TOP3B: variants seen among roughly 807,000 people sequenced by gnomAD.
TOP3B encodes the protein DNA topoisomerase III beta.
Under a neutral mutation model 93.9 loss-of-function variants are expected in TOP3B, and 45 were observed. The observed-to-expected ratio is 0.48, with a 90% CI of 0.38 to 0.61. TOP3B has a LOEUF of 0.61. Ranked by LOEUF, TOP3B falls within the 20% of genes least tolerant of loss-of-function variation. The probability of loss-of-function intolerance (pLI) is 0.00; values close to 1 mark genes in which losing one functional copy is unlikely to be tolerated. For synonymous variants in TOP3B, 357 were observed against 472.6 expected (o/e 0.76, Z 3.17); for missense variants, 750 against 1,156.1 (o/e 0.65, Z 5.09).
intron 9 of TOP3B, chr22:21,964,680 G>C (rs1039702156): frequency 1.8e-5 from 5 of 270,464 alleles, no homozygotes; most frequent in African/African-American, 1.1e-4. Context: ...CATACCTCGG[G>C]GTTGGCTGAC....
intron 1 of TOP3B, among the ~76,000 whole-genome samples, chr22:21,979,735 A>G (rs1569161083): frequency 6.6e-6 from 1 of 151,824 alleles, no homozygotes; most frequent in Non-Finnish European, 1.5e-5. Context: ...AGGTCAGGAG[A>G]TCAAGACCAT....
At chr22:21,975,596 A>G (rs1449770076) in intron 2 of TOP3B, 44 bp downstream of exon 2, 1 of 1,559,048 alleles carries the variant, frequency 6.4e-7, no homozygotes, top group Admixed American at 1.8e-5. Flanking sequence ...TGTAACACAT[A>G]AACGACCGTG....
intron 8 of TOP3B, chr22:21,967,244 C>T (rs1239367789): frequency 4.4e-5 from 10 of 225,306 alleles, no homozygotes; most frequent in Non-Finnish European, 8.9e-5. Context: ...TCAGTGTGCA[C>T]CAAGGTCCCT....
At chr22:21,958,438 G>C in intron 17 of TOP3B, 54 bp downstream of exon 17, 1 of 1,611,906 alleles carries the variant, frequency 6.2e-7, no homozygotes, top group Non-Finnish European at 8.5e-7. Context: ...GCAGGGGTTG[G>C]CACTGAAAAG....
At position 21,970,693 on chromosome 22, in the gene TOP3B, C is replaced by T. The variant is rs530525213; in HGVS notation, c.385-287G>A. The T allele has an allele frequency of 3.7e-5, 17 of 457,352 alleles. No homozygotes were observed. The East Asian group carries it at 6.6e-4, about 18-fold the overall frequency. 28.3% of individuals were successfully genotyped at this position (457,352 alleles called of 1,614,324 possible). On this transcript the variant is annotated intron_variant, in intron 5 of 17. Transcript: ENST00000357179. The surrounding 1 kb of genome is among the most constrained non-coding windows in gnomAD (Gnocchi z 4.4). ...TCCCTTCTTACTCCCGCCCTCTCTT[C>T]TAATCCTCTGCTTTCATCCCCACCA...
chr22:21,958,724 G>T (rs753447087), intron 16 of TOP3B, 31 bp from the exon 17 acceptor site: 1 of 1,568,784 alleles, frequency 6.4e-7, no homozygotes, highest in South Asian at 1.1e-5. Context: ...TGGCGTGAGG[G>T]TCACTGGGGC....
Position 21,970,023 on chromosome 22 carries a change from G to A in TOP3B, c.581+187C>T, listed in dbSNP as rs1446523679. On this transcript the variant is annotated intron_variant, in intron 6 of 17. Transcript: ENST00000357179. This position sits in a 1 kb window ranked among gnomAD's most constrained non-coding sequence, Gnocchi z 4.4. ...AACCTCAAGCAATCCTCCTATCCTG[G>A]TCTCCCAAAGTGCAGGGATTACAGG... 1.7e-6 allele frequency: 1 copy of A among 602,628 alleles called. No individual in the cohort carries two copies. The highest frequency in any genetic ancestry group is 3.0e-5 in the Admixed American group (1 of 33,584). The allele number at this position is 602,628 out of a possible 1,614,324, so 37.3% of individuals were successfully genotyped here.
chr22:21,963,465 C>A lies in TOP3B; in HGVS notation c.1204+458G>T, dbSNP rs150532114. 10 of 181,984 alleles carry A rather than the reference C, an allele frequency of 5.5e-5. No individual in the cohort carries two copies. The highest frequency in any genetic ancestry group is 2.1e-4 in the African/African-American group (9 of 42,038). The allele number at this position is 181,984 out of a possible 1,614,324, so 11.3% of individuals were successfully genotyped here. A position where few individuals can be genotyped will look rare whatever the true frequency, so the allele number is the denominator to read the frequency against. ...TGTCCCTGCTTCTGGCGGGACTGCTCTTCAGGCATTGGCCTGTCTTTCCAT... is the reference window on the plus strand; with the variant it reads ...TGTCCCTGCTTCTGGCGGGACTGCTATTCAGGCATTGGCCTGTCTTTCCAT... On this transcript the variant is annotated intron_variant, in intron 11 of 17. Transcript: ENST00000357179. This position sits in a 1 kb window ranked among gnomAD's most constrained non-coding sequence, Gnocchi z 4.8.
In TOP3B at chr22:21,967,648, G is replaced by A. The variant is rs745465196; in HGVS notation, c.807C>T (p.Ile269=). ...WDRVRVFDRE[I]AQMFLNMTKL... ...TTGTCATGTTTAAAAACATCTGTGC[G>A]ATCTCCCGGTCAAACACTCTTACTC... is the stretch of plus-strand genomic sequence containing the variant. Residue 269 remains isoleucine (I), a synonymous_variant, in exon 8 of 18, where the codon ATC becomes ATT. Transcript: ENST00000357179. The A allele has an allele frequency of 8.7e-6, 14 of 1,614,036 alleles. No individual in the cohort carries two copies. In the South Asian group the frequency reaches 8.8e-5, roughly 10 times the overall value.
In TOP3B at chr22:21,970,155, C is replaced by T; in HGVS notation, c.581+55G>A. 1 of 1,578,464 alleles carries T rather than the reference C, an allele frequency of 6.3e-7. No individual in the cohort carries two copies. The highest frequency in any genetic ancestry group is 2.3e-5 in the East Asian group (1 of 44,394). On this transcript the variant is annotated intron_variant, in intron 6 of 17. Coordinates refer to ENST00000357179, the MANE Select transcript of TOP3B (RefSeq NM_001282112.2). This position sits in a 1 kb window ranked among gnomAD's most constrained non-coding sequence, Gnocchi z 4.4. ...CGGAGGGGGACCAGTAGAGGCAGGT[C>T]TCTGGCTGAGGGAGAGTGAGGGTGT...
At position 21,962,862 on chromosome 22, in the gene TOP3B, G is replaced by A. The variant is rs1438398480; in HGVS notation, c.1236C>T (p.Ile412=). The A allele has an allele frequency of 1.9e-6, 3 of 1,613,984 alleles. No homozygotes were observed. Residue 412 remains isoleucine (I), a synonymous_variant, in exon 12 of 18, where the codon ATC becomes ATT. Transcript: ENST00000357179. ...TGACCGTGGCGATGAAGTGTCTGGT[G>A]ATGTACTCATAGAGCCGCCACGCGT... ...GGDAWRLYEY[I]TRHFIATVSH... is the part of the protein sequence containing the mutation.
chr22:21,979,472 G>GTGGAC (rs2084569992), intron 1 of TOP3B, among the ~76,000 whole-genome samples: 1 of 152,100 alleles, frequency 6.6e-6, no homozygotes, highest in Admixed American at 6.5e-5. Context: ...GACTGTCCAT[G>GTGGAC]TGGACTCTGA....
chr22:21,971,731 A>T lies in TOP3B; in HGVS notation c.384+146T>A. The stretch of plus-strand genomic sequence containing the variant: ...GTTAAAAGTATCTGTGGAGTTTCAG[A>T]ATAAAGGGAGGGGAGAGGTGTTTTT... On this transcript the variant is annotated intron_variant, in intron 5 of 17. Coordinates refer to ENST00000357179, the MANE Select transcript of TOP3B (RefSeq NM_001282112.2). This position sits in a 1 kb window ranked among gnomAD's most constrained non-coding sequence, Gnocchi z 4.6. 1.4e-6 allele frequency: 1 copy of T among 739,688 alleles called. No individual in the cohort carries two copies. Among genetic ancestry groups the T allele is most frequent in the Admixed American group, 2.0e-5 (1 of 49,814 alleles). The allele number at this position is 739,688 out of a possible 1,614,324, so 45.8% of individuals were successfully genotyped here.
At chr22:21,975,928 A>T (rs535440670) in intron 1 of TOP3B, 121 bp from the exon 2 acceptor site, 5 of 559,736 alleles carry the variant, frequency 8.9e-6, no homozygotes, top group Non-Finnish European at 1.3e-5. Flanking sequence ...AAGAAAAATT[A>T]GGGAATTAGG....
At position 21,971,815 on chromosome 22, in the gene TOP3B, G is replaced by A. The variant is rs2071650508; in HGVS notation, c.384+62C>T. 6 of 1,490,682 alleles carry A rather than the reference G, an allele frequency of 4.0e-6. No individual in the cohort carries two copies. The highest frequency in any genetic ancestry group is 1.7e-5 in the Admixed American group (1 of 59,600). The allele number at this position is 1,490,682 out of a possible 1,614,324, so 92.3% of individuals were successfully genotyped here. A position where few individuals can be genotyped will look rare whatever the true frequency, so the allele number is the denominator to read the frequency against. ...AGGAGTGATGTGACTGACTGCTGGT[G>A]TCAGTTTGGGGCTGGTGTCAGAAAG... On this transcript the variant is annotated intron_variant, in intron 5 of 17. Coordinates refer to ENST00000357179, the MANE Select transcript of TOP3B (RefSeq NM_001282112.2). This position sits in a 1 kb window ranked among gnomAD's most constrained non-coding sequence, Gnocchi z 4.6.
At chr22:21,975,608 T>C (rs1200852894) in intron 2 of TOP3B, 32 bp downstream of exon 2, 1 of 1,583,544 alleles carries the variant, frequency 6.3e-7, no homozygotes, top group Non-Finnish European at 8.6e-7. Flanking sequence ...ACGACCGTGC[T>C]TACAGACCAA....
Position 21,975,763 on chromosome 22 carries a change from A to G in TOP3B, c.-54T>C. On this transcript the variant is annotated 5_prime_UTR_variant, in exon 2 of 18. Transcript: ENST00000357179. ...CGGGGCACTGGCAATGAAAAAGTTTAGACTCCACTCTTCCGCAGCACAGCA... is the reference window on the plus strand; with the variant it reads ...CGGGGCACTGGCAATGAAAAAGTTTGGACTCCACTCTTCCGCAGCACAGCA... 6.3e-7 allele frequency: 1 copy of G among 1,579,952 alleles called. No individual in the cohort carries two copies. Among genetic ancestry groups the G allele is most frequent in the Non-Finnish European group, 8.6e-7 (1 of 1,158,952 alleles).
rs1601857012 is a variant in TOP3B at position 21,974,398 on chromosome 22, A to G, written c.161T>C (p.Met54Thr). 1 of 1,614,192 alleles carries G rather than the reference A, an allele frequency of 6.2e-7. No homozygotes were observed. The highest frequency in any genetic ancestry group is 8.5e-7 in the Non-Finnish European group (1 of 1,180,014). The change falls in exon 3 of 18, where the codon ATG (methionine) becomes ACG (threonine). Residue 54 changes from methionine (M) to threonine (T), a missense_variant. Physicochemically the swap from Met to Thr is moderately conservative, Grantham distance 81. Around this residue, in one of 4 missense-constraint regions of TOP3B, gnomAD observed 737 missense variants for 933.7 expected, o/e 0.79. Coordinates refer to ENST00000357179, the MANE Select transcript of TOP3B (RefSeq NM_001282112.2). ...TFAGQPVRFK[M>T]TSVCGHVMTL... ...CATCACGTGACCACAGACAGACGTCATCTTGAAGCGCACTGGCTGGCCAGC... is the reference window on the plus strand; with the variant it reads ...CATCACGTGACCACAGACAGACGTCGTCTTGAAGCGCACTGGCTGGCCAGC...
chr22:21,971,021 T>C lies in TOP3B; in HGVS notation c.385-615A>G, dbSNP rs775116468. 7.7e-7 allele frequency: 1 copy of C among 1,301,114 alleles called. No homozygotes were observed. The highest frequency in any genetic ancestry group is 1.2e-5 in the South Asian group (1 of 80,870). 80.6% of individuals were successfully genotyped at this position (1,301,114 alleles called of 1,614,324 possible). The stretch of plus-strand genomic sequence containing the variant: ...TGGGACTAGGGTCGCCGCCGGAGCC[T>C]GGCCACGCAGCTTCCTTACTGGGAA... On this transcript the variant is annotated intron_variant, in intron 5 of 17. Coordinates refer to ENST00000357179, the MANE Select transcript of TOP3B (RefSeq NM_001282112.2). The surrounding 1 kb of genome is among the most constrained non-coding windows in gnomAD (Gnocchi z 4.6).
Sources: gnomAD v4.1 joint callset for allele counts (sites outside exome capture counted in the v4.1 genomes callset) on GRCh38, gnomAD v4.1.1 for gene constraint, gnomAD v4.1.1 regional missense constraint, Gnocchi (gnomAD v3.1) non-coding constraint, MANE v1.5 for transcripts, NCBI Gene and HGNC (gene_info 2026-07-23, HGNC 2026-07-21) for gene names.